The following SMARCA5 variants were observed in gnomAD, a reference collection of about 807,000 sequenced individuals.
SMARCA5 encodes SWI/SNF-related matrix-associated actin-dependent regulator of chromatin subfamily A member 5.
In SMARCA5, 18 loss-of-function variants were observed where a neutral mutation model predicts 140.4. That is an observed-to-expected ratio of 0.13 (90% CI 0.09 to 0.19). The LOEUF is 0.19. SMARCA5 is among the 10% of genes least tolerant of loss of function. The pLI is 1.00. For missense variants in SMARCA5, 606 were observed against 1,276.8 expected (o/e 0.47, Z 8.01); for synonymous variants, 449 against 419.6 (o/e 1.07, Z -0.86).
intron 14 of SMARCA5, 65 bp downstream of exon 14, chr4:143,540,560 C>T (rs985061113): frequency 1.0e-5 from 15 of 1,485,598 alleles, no homozygotes; most frequent in African/African-American, 9.9e-5. Context: ...GTTTGAAAAT[C>T]GTCTTAGAAG....
chr4:143,536,288 A>G (rs1383141084), intron 10 of SMARCA5, among the ~76,000 whole-genome samples, 164 bp from the exon 11 acceptor site: 6 of 152,150 alleles, frequency 3.9e-5, no homozygotes, highest in Non-Finnish European at 7.4e-5. Context: ...AATGGAAGCA[A>G]AAAGAGGTTA....
chr4:143,529,637 T>G (rs1737143349), intron 8 of SMARCA5, among the ~76,000 whole-genome samples: 1 of 152,214 alleles, frequency 6.6e-6, no homozygotes, highest in Non-Finnish European at 1.5e-5. Flanking sequence ...TGTTTATTTT[T>G]GAAGCTTTGT....
rs150067236 is a variant in SMARCA5, at chr4:143,542,431, G to C, written c.1904-1078G>C. ...GTTCCGGAACCTTCCTGCCCAACTT[G>C]GAAGTAGTTTGTATAAGCATAAGAA... On this transcript the variant is annotated intron_variant, in intron 14 of 23. Transcript: ENST00000283131. Among the ~76,000 whole-genome samples the C allele has an allele frequency of 1.9e-3, 288 of 152,252 alleles. 1 individual carries two copies. Among genetic ancestry groups the C allele is most frequent in the African/African-American group, 6.6e-3 (273 of 41,548 alleles).
At chr4:143,530,431 G>T in intron 8 of SMARCA5, 27 bp from the exon 9 acceptor site, 2 of 1,508,614 alleles carry the variant, frequency 1.3e-6, no homozygotes, top group South Asian at 2.3e-5. Flanking sequence ...TCTCTGATCT[G>T]AGTATATTTT....
At chr4:143,544,007 T>C (rs1404583293) in intron 16 of SMARCA5, 35 bp downstream of exon 16, 3 of 1,438,920 alleles carry the variant, frequency 2.1e-6, no homozygotes, top group Non-Finnish European at 9.2e-7. Context: ...ACATGAAAGC[T>C]TTATTTTACT....
rs1459818103 is a variant in SMARCA5 at position 143,531,885 on chromosome 4, G to C, written c.1158+1359G>C. ...AAGACTCAGCGACATCACCTCCACT[G>C]AACCAGCCAGGCTGAGGCTGGCCTA... On this transcript the variant is annotated intron_variant, in intron 9 of 23. Coordinates refer to ENST00000283131, the MANE Select transcript of SMARCA5 (RefSeq NM_003601.4). Among the ~76,000 whole-genome samples, 5 of 152,102 alleles carry C rather than the reference G, an allele frequency of 3.3e-5. No individual in the cohort carries two copies. The East Asian group carries it at 7.7e-4, about 23-fold the overall frequency.
intron 3 of SMARCA5, 84 bp from the exon 4 acceptor site, chr4:143,524,283 C>T: frequency 2.3e-6 from 2 of 854,806 alleles, no homozygotes; most frequent in Admixed American, 2.8e-5. Flanking sequence ...GAATCTTGGT[C>T]AGCCACTTGA....
intron 17 of SMARCA5, 118 bp downstream of exon 17, chr4:143,544,965 T>G (rs1224501987): frequency 2.1e-6 from 1 of 480,576 alleles, no homozygotes; most frequent in South Asian, 2.2e-5. Flanking sequence ...TTTTTTTTTT[T>G]GAGACAGAGT....
chr4:143,524,870 T>C (rs1175231224), intron 4 of SMARCA5, among the ~76,000 whole-genome samples: 1 of 152,146 alleles, frequency 6.6e-6, no homozygotes, highest in Admixed American at 6.5e-5. Flanking sequence ...TCCTCAAGTG[T>C]TTTTCAAAAG....
chr4:143,525,921 T>A (rs1054073476), intron 5 of SMARCA5, among the ~76,000 whole-genome samples: 1 of 152,246 alleles, frequency 6.6e-6, no homozygotes, highest in Non-Finnish European at 1.5e-5. Flanking sequence ...TTTTGTTAAC[T>A]ACTAGTTATG....
chr4:143,516,690 A>G (rs576289706), intron 1 of SMARCA5, among the ~76,000 whole-genome samples: 57 of 151,404 alleles, frequency 3.8e-4, no homozygotes, highest in African/African-American at 1.4e-3. Flanking sequence ...TATATTGCCT[A>G]GCATAGATTT....
intron 14 of SMARCA5, among the ~76,000 whole-genome samples, 172 bp downstream of exon 14, chr4:143,540,667 T>C (rs1219490595): frequency 1.3e-5 from 2 of 152,240 alleles, no homozygotes; most frequent in Non-Finnish European, 2.9e-5. Flanking sequence ...ATTAAAAAGA[T>C]GGATTTGGGC....
intron 10 of SMARCA5, among the ~76,000 whole-genome samples, chr4:143,535,544 T>G (rs1272101201): frequency 2.0e-5 from 3 of 152,168 alleles, no homozygotes; most frequent in Admixed American, 6.5e-5. Context: ...GGTAAGAGGT[T>G]ATCTGTAGAA....
rs983611642 is a variant in SMARCA5 at position 143,513,763 on chromosome 4, C to A, written c.-162C>A. On this transcript the variant is annotated 5_prime_UTR_variant, in exon 1 of 24. Transcript: ENST00000283131. The stretch of plus-strand genomic sequence containing the variant: ...GTTTGGGAGTGTGCAGCTCCTGGGC[C>A]CGGCTCAGGCCCGTCGCGGAGGCGC... The A allele has an allele frequency of 1.3e-6, 1 of 751,114 alleles. No individual in the cohort carries two copies. The highest frequency in any genetic ancestry group is 1.8e-5 in the South Asian group (1 of 55,334). 46.5% of individuals were successfully genotyped at this position (751,114 alleles called of 1,614,324 possible).
chr4:143,538,758 T>G (rs773924675), intron 12 of SMARCA5, 28 bp from the exon 13 acceptor site: 1 of 1,613,314 alleles, frequency 6.2e-7, no homozygotes, highest in Non-Finnish European at 8.5e-7. Context: ...AGATAAATTT[T>G]TTGACAACCA....
At chr4:143,543,804 C>A in intron 15 of SMARCA5, 49 bp from the exon 16 acceptor site, 1 of 1,571,378 alleles carries the variant, frequency 6.4e-7, no homozygotes, top group South Asian at 1.2e-5. Flanking sequence ...CTGCAGTTTT[C>A]ATGCTTTCTT....
chr4:143,540,755 G>C (rs375209569), intron 14 of SMARCA5, among the ~76,000 whole-genome samples: 1 of 152,162 alleles, frequency 6.6e-6, no homozygotes, highest in Non-Finnish European at 1.5e-5. Flanking sequence ...TTCCTCATCT[G>C]TTAAGTGGGG....
chr4:143,552,712 T>A (rs4834995), intron 23 of SMARCA5, among the ~76,000 whole-genome samples: 34,163 of 151,914 alleles, frequency 0.22, 4,239 homozygotes, highest in East Asian at 0.6. Context: ...AAATGTTATT[T>A]AATAATAGTT....
chr4:143,549,056 T>G (rs1379507269), intron 22 of SMARCA5, among the ~76,000 whole-genome samples: 1 of 152,094 alleles, frequency 6.6e-6, no homozygotes, highest in Non-Finnish European at 1.5e-5. Flanking sequence ...TGCTGAAAGC[T>G]TATTTCTTCT....
Sources: gnomAD v4.1 joint callset for allele counts (sites outside exome capture counted in the v4.1 genomes callset) on GRCh38, gnomAD v4.1.1 for gene constraint, MANE v1.5 for transcripts, NCBI Gene and HGNC (gene_info 2026-07-23, HGNC 2026-07-21) for gene names.